The following PLCD4 variants were observed in gnomAD, a reference collection of about 807,000 sequenced individuals.
PLCD4 encodes 1-phosphatidylinositol 4,5-bisphosphate phosphodiesterase delta-4.
PLCD4 carries 63 observed loss-of-function variants against 90.2 expected under a neutral mutation model. The ratio of observed to expected loss-of-function variants is 0.70; its 90% CI spans 0.57 to 0.86. PLCD4 has a LOEUF of 0.86. Among genes scored for constraint, PLCD4 ranks in the 40% least tolerant of loss-of-function variants. The pLI, the probability that PLCD4 is intolerant of heterozygous loss-of-function variation, is 0.00. For missense variants in PLCD4, 830 were observed against 956.3 expected (o/e 0.87, Z 1.74); for synonymous variants, 294 against 356.5 (o/e 0.82, Z 1.97).
intron 6 of PLCD4, among the ~76,000 whole-genome samples, chr2:218,623,262 T>G (rs961903338): frequency 3.9e-5 from 6 of 152,218 alleles, no homozygotes; most frequent in Non-Finnish European, 1.5e-5. Context: ...TTTCCTCTGG[T>G]TCTTCTTCCA....
Position 218,635,808 on chromosome 2 carries a change from C to G in PLCD4, c.1909C>G (p.Gln637Glu), listed in dbSNP as rs753516597. ...QTLLIQVISG[Q>E]QLPKVDKTKE... ...GCCCTGACTACAGGTGATCAGCGGT[C>G]AGCAACTCCCCAAAGTGGACAAGAC... The change falls in exon 14 of 16, where the codon CAG becomes GAG. Residue 637 changes from glutamine (Q) to glutamate (E), a missense_variant. Physicochemically the swap from Gln to Glu is conservative, Grantham distance 29. Coordinates refer to ENST00000450993, the MANE Select transcript of PLCD4 (RefSeq NM_032726.4). 2 of 1,612,772 alleles carry G rather than the reference C, an allele frequency of 1.2e-6. No homozygotes were observed. Among genetic ancestry groups the G allele is most frequent in the African/African-American group, 2.7e-5 (2 of 74,882 alleles).
chr2:218,622,575 A>AT (rs1695933350), intron 5 of PLCD4, 72 bp from the exon 6 acceptor site: 18 of 1,135,676 alleles, frequency 1.6e-5, no homozygotes, highest in South Asian at 3.6e-5. Context: ...TTTAAAAAAA[A>AT]ATTTTTTTAA....
At chr2:218,633,350 C>T (rs1696496986) in intron 10 of PLCD4, 1 of 703,264 alleles carries the variant, frequency 1.4e-6, no homozygotes, top group Non-Finnish European at 2.6e-6. Flanking sequence ...CCCAGCAGTA[C>T]ATGCAGACCG....
chr2:218,614,386 C>T (rs527517816), intron 1 of PLCD4, among the ~76,000 whole-genome samples: 6 of 151,990 alleles, frequency 3.9e-5, no homozygotes, highest in South Asian at 4.2e-4. Flanking sequence ...CTCCTGACCT[C>T]GTGATCCACC....
chr2:218,622,336 T>C (rs1401846207), intron 5 of PLCD4: 3 of 188,392 alleles, frequency 1.6e-5, no homozygotes, highest in Non-Finnish European at 3.2e-5. Context: ...GCTAAAATTT[T>C]GCTTCTTACT....
intron 1 of PLCD4, among the ~76,000 whole-genome samples, chr2:218,613,458 ACT>A (rs1014077590): frequency 1.7e-4 from 26 of 151,658 alleles, no homozygotes; most frequent in Non-Finnish European, 3.1e-4. Context: ...AAAAAAAGAA[ACT>A]CACAATATAC....
Position 218,629,552 on chromosome 2 carries a change from G to A in PLCD4, c.1008G>A (p.Val336=). The change falls in exon 8 of 16, where the codon GTG becomes GTA. Residue 336 remains valine (V), a synonymous_variant. Coordinates refer to ENST00000450993, the MANE Select transcript of PLCD4 (RefSeq NM_032726.4). ...ALKRGCRCVE[V]DVWDGPSGEP... is the part of the protein sequence containing the mutation. ...AGCGGGGGTGCCGCTGCGTGGAGGTGGATGTATGGGATGGACCTAGCGGGG... is the reference window on the plus strand; with the variant it reads ...AGCGGGGGTGCCGCTGCGTGGAGGTAGATGTATGGGATGGACCTAGCGGGG... 1 of 1,613,770 alleles carries A rather than the reference G, an allele frequency of 6.2e-7. No individual in the cohort carries two copies. Among genetic ancestry groups the A allele is most frequent in the Non-Finnish European group, 8.5e-7 (1 of 1,179,846 alleles).
chr2:218,630,945 GA>G (rs1343232519), intron 9 of PLCD4, 143 bp downstream of exon 9: 3 of 893,114 alleles, frequency 3.4e-6, no homozygotes, highest in Non-Finnish European at 4.9e-6. Flanking sequence ...TGGATCCTTG[GA>G]GACAATTTTA....
chr2:218,624,003 C>G (rs921777484), intron 6 of PLCD4, among the ~76,000 whole-genome samples: 4 of 152,184 alleles, frequency 2.6e-5, no homozygotes, highest in Non-Finnish European at 4.4e-5. Context: ...TTTTCTAATA[C>G]AATGACCTGT....
intron 1 of PLCD4, among the ~76,000 whole-genome samples, chr2:218,614,544 G>A (rs544387709): frequency 7.4e-4 from 112 of 151,784 alleles, no homozygotes; most frequent in African/African-American, 2.4e-3. Flanking sequence ...CTGCCACCCA[G>A]GTTCAAGCGA....
intron 4 of PLCD4, among the ~76,000 whole-genome samples, chr2:218,620,767 G>A (rs550398017): frequency 6.0e-5 from 9 of 149,838 alleles, no homozygotes; most frequent in African/African-American, 1.7e-4. Context: ...GGTGGTGGGC[G>A]CCTGTAATCT....
At position 218,636,605 on chromosome 2, in the gene PLCD4, G is replaced by A. The variant is rs1055816; in HGVS notation, c.*28G>A. On this transcript the variant is annotated 3_prime_UTR_variant, in exon 16 of 16. Transcript: ENST00000450993. ...TGGGCATTTCACGGGAAGGGTTGGT[G>A]TGCTGGCTTTAGACGGGGAGAAACA... The A allele has an allele frequency of 0.57, 906,842 of 1,602,612 alleles. 266,065 individuals carry two copies. The highest frequency in any genetic ancestry group is 0.82 in the East Asian group (36,878 of 44,716).
intron 8 of PLCD4, among the ~76,000 whole-genome samples, chr2:218,630,121 T>A (rs940123210): frequency 5.9e-5 from 9 of 152,154 alleles, no homozygotes; most frequent in African/African-American, 2.2e-4. Context: ...AGGTTTGCAG[T>A]GAGCCGAGAT....
At chr2:218,632,373 G>GC in intron 10 of PLCD4, 61 bp downstream of exon 10, 1 of 1,505,888 alleles carries the variant, frequency 6.6e-7, no homozygotes, top group Non-Finnish European at 8.9e-7. Flanking sequence ...CTGAAGGCCT[G>GC]TTCATGAAGA....
chr2:218,620,237 C>T (rs1695809357), intron 4 of PLCD4, among the ~76,000 whole-genome samples: 1 of 152,134 alleles, frequency 6.6e-6, no homozygotes, highest in Non-Finnish European at 1.5e-5. Context: ...CAGTAGCTCA[C>T]ACCTGTAATT....
Position 218,622,686 on chromosome 2 carries a change from G to T in PLCD4, c.580G>T (p.Glu194Ter), listed in dbSNP as rs1378579785. The change falls in exon 6 of 16, where the codon GAA becomes TAA. Residue 194 changes from glutamate (E) to a stop codon, truncating the protein, a stop_gained. Coordinates refer to ENST00000450993, the MANE Select transcript of PLCD4 (RefSeq NM_032726.4). LOFTEE classifies it high-confidence loss of function. ...TSQSGTLEGE[E>*]FVQFYKALTK... ...CCAGTCTGGAACCCTGGAAGGAGAA[G>T]AATTCGTACAGTTCTATAAGGCATT... is the stretch of plus-strand genomic sequence containing the variant. 6.2e-7 allele frequency: 1 copy of T among 1,614,012 alleles called. No individual in the cohort carries two copies. The highest frequency in any genetic ancestry group is 8.5e-7 in the Non-Finnish European group (1 of 1,179,888).
intron 3 of PLCD4, among the ~76,000 whole-genome samples, chr2:218,616,850 G>C (rs1695604375): frequency 7.3e-6 from 1 of 137,090 alleles, no homozygotes; most frequent in African/African-American, 2.6e-5. Context: ...AAAACACTTA[G>C]CATGGGATGT....
Position 218,622,731 on chromosome 2 carries a change from C to A in PLCD4, c.625C>A (p.Gln209Lys), listed in dbSNP as rs773388785. 1 of 1,614,010 alleles carries A rather than the reference C, an allele frequency of 6.2e-7. No homozygotes were observed. The highest frequency in any genetic ancestry group is 8.5e-7 in the Non-Finnish European group (1 of 1,179,896). The change falls in exon 6 of 16, where the codon CAG becomes AAG. Residue 209 changes from glutamine (Q) to lysine (K), a missense_variant. Coordinates refer to ENST00000450993, the MANE Select transcript of PLCD4 (RefSeq NM_032726.4). ...GGCATTGACTAAACGTGCTGAGGTG[C>A]AGGAACTGTTTGAAAGTTTTTCAGC... ...YKALTKRAEV[Q>K]ELFESFSADG...
Position 218,637,067 on chromosome 2 carries a change from G to T in PLCD4, c.*490G>T. The T allele has an allele frequency of 2.6e-6, 1 of 382,682 alleles. No homozygotes were observed. Among genetic ancestry groups the T allele is most frequent in the Non-Finnish European group, 5.1e-6 (1 of 195,938 alleles). The allele number at this position is 382,682 out of a possible 1,614,324, so 23.7% of individuals were successfully genotyped here. On this transcript the variant is annotated 3_prime_UTR_variant, in exon 16 of 16. Coordinates refer to ENST00000450993, the MANE Select transcript of PLCD4 (RefSeq NM_032726.4). ...CAGCAAAGATTAGGGAAAGAGACTTGACCCCAGGACTGTACTACGACTCTT... is the reference window on the plus strand; with the variant it reads ...CAGCAAAGATTAGGGAAAGAGACTTTACCCCAGGACTGTACTACGACTCTT...
Sources: allele counts gnomAD v4.1 joint callset (sites outside exome capture counted in the v4.1 genomes callset), GRCh38; gene constraint gnomAD v4.1.1; transcripts MANE v1.5; gene names NCBI Gene and HGNC (gene_info 2026-07-23, HGNC 2026-07-21).